The following ITGA8 variants were observed in gnomAD, a reference collection of about 807,000 sequenced individuals.
ITGA8 encodes integrin alpha-8.
In ITGA8, 91 loss-of-function variants were observed where a neutral mutation model predicts 142.3. The observed-to-expected ratio is 0.64, with a 90% CI of 0.54 to 0.76. The LOEUF (loss-of-function observed/expected upper bound fraction) is 0.76, where lower values mean the gene tolerates loss of function less well. Among genes scored for constraint, ITGA8 ranks in the 30% least tolerant of loss-of-function variants. The pLI, the probability that ITGA8 is intolerant of heterozygous loss-of-function variation, is 0.00. For synonymous variants in ITGA8, 505 were observed against 485.2 expected, an observed-to-expected ratio of 1.04 and a Z score of -0.54; for missense variants, 1,406 against 1,327.7, an observed-to-expected ratio of 1.06 and a Z score of -0.92.
At chr10:15,585,702 A>G (rs776776214) in intron 23 of ITGA8, among the ~76,000 whole-genome samples, 8 of 152,042 alleles carry the variant, frequency 5.3e-5, no homozygotes, top group Non-Finnish European at 1.0e-4. Context: ...CACACAACCC[A>G]TTTCTGATTT....
chr10:15,575,946 T>C (rs1380462025), intron 23 of ITGA8, among the ~76,000 whole-genome samples: 2 of 150,264 alleles, frequency 1.3e-5, no homozygotes, highest in African/African-American at 5.0e-5. Context: ...AGAACGTGTG[T>C]GTGTGTGTGT....
chr10:15,569,384 G>A (rs80140970), intron 25 of ITGA8, among the ~76,000 whole-genome samples: 5,018 of 152,146 alleles, frequency 0.033, 279 homozygotes, highest in African/African-American at 0.11. Context: ...TGTTTTATGA[G>A]GCACTTACTA....
At chr10:15,661,905 T>G (rs1455286286) in intron 8 of ITGA8, among the ~76,000 whole-genome samples, 4 of 152,156 alleles carry the variant, frequency 2.6e-5, no homozygotes, top group Admixed American at 2.6e-4. Flanking sequence ...AATCTTTATT[T>G]GGTATAAATT....
At chr10:15,555,313 A>G (rs148771761) in intron 26 of ITGA8, among the ~76,000 whole-genome samples, 75 of 152,356 alleles carry the variant, frequency 4.9e-4, no homozygotes, top group Middle Eastern at 6.8e-3. Context: ...ATTTTAGACA[A>G]TGATTCCAAA....
At chr10:15,541,686 A>G (rs755701799) in intron 27 of ITGA8, among the ~76,000 whole-genome samples, 16 of 152,234 alleles carry the variant, frequency 1.1e-4, no homozygotes, top group South Asian at 2.1e-4. Flanking sequence ...TTCAAAGACA[A>G]GAAAACATTC....
intron 24 of ITGA8, among the ~76,000 whole-genome samples, chr10:15,573,951 A>G (rs1834235767): frequency 6.6e-6 from 1 of 151,702 alleles, no homozygotes; most frequent in South Asian, 2.1e-4. Context: ...ACCCTTTGCT[A>G]TATGTTGGTT....
intron 13 of ITGA8, among the ~76,000 whole-genome samples, chr10:15,637,077 G>A (rs532739696): frequency 2.0e-5 from 3 of 152,264 alleles, no homozygotes; most frequent in African/African-American, 7.2e-5. Context: ...CCTGGGCGGC[G>A]GAGTTTGCAG....
chr10:15,674,706 C>A (rs969064482), intron 6 of ITGA8, among the ~76,000 whole-genome samples: 2 of 151,964 alleles, frequency 1.3e-5, no homozygotes, highest in African/African-American at 2.4e-5. Flanking sequence ...CTGAGGCGGG[C>A]GGATCATGAG....
intron 12 of ITGA8, among the ~76,000 whole-genome samples, chr10:15,645,821 T>C (rs1430114736): frequency 6.6e-6 from 1 of 152,128 alleles, no homozygotes; most frequent in Non-Finnish European, 1.5e-5. Context: ...ATGCAAACTT[T>C]TGTGTGAAGG....
intron 23 of ITGA8, among the ~76,000 whole-genome samples, chr10:15,584,560 G>A (rs932919711): frequency 5.3e-5 from 8 of 152,138 alleles, no homozygotes; most frequent in African/African-American, 2.4e-5. Flanking sequence ...TTTGGCATAA[G>A]TATTTTGAAA....
intron 5 of ITGA8, 41 bp from the exon 6 acceptor site, chr10:15,677,678 G>T (rs1834657359): frequency 1.3e-6 from 2 of 1,568,350 alleles, no homozygotes; most frequent in Non-Finnish European, 1.7e-6. Flanking sequence ...AATTGGAAAA[G>T]AAATACTAAA....
chr10:15,689,411 C>G (rs964652782), intron 2 of ITGA8, among the ~76,000 whole-genome samples: 1 of 152,168 alleles, frequency 6.6e-6, no homozygotes, highest in African/African-American at 2.4e-5. Flanking sequence ...CTCGCCTCCA[C>G]CATTTCATCT....
chr10:15,662,599 A>G (rs938245659), intron 8 of ITGA8, among the ~76,000 whole-genome samples: 1 of 152,038 alleles, frequency 6.6e-6, no homozygotes, highest in African/African-American at 2.4e-5. Flanking sequence ...TCGGCCTCCT[A>G]GAGTGCTGGG....
In ITGA8 at chr10:15,517,155, T is replaced by C. The variant is rs550092776; in HGVS notation, c.*3A>G. 2 of 1,607,304 alleles carry C rather than the reference T, an allele frequency of 1.2e-6. No individual in the cohort carries two copies. Among genetic ancestry groups the C allele is most frequent in the Admixed American group, 1.7e-5 (1 of 59,532 alleles). ...AGGTCTTTGGTCTTCTTTTTTTTTC[T>C]TGTCATGCCTCAGGGGTCTTGTCAT... On this transcript the variant is annotated 3_prime_UTR_variant, in exon 30 of 30. Coordinates refer to ENST00000378076, the MANE Select transcript of ITGA8 (RefSeq NM_003638.3).
chr10:15,618,621 G>A (rs114998757), intron 13 of ITGA8, among the ~76,000 whole-genome samples: 4,148 of 152,206 alleles, frequency 0.027, 187 homozygotes, highest in African/African-American at 0.095. Context: ...GAATCTGGTG[G>A]GCACCATCTG....
intron 22 of ITGA8, among the ~76,000 whole-genome samples, chr10:15,587,676 A>G (rs1367512131): frequency 6.6e-6 from 1 of 151,680 alleles, no homozygotes; most frequent in Non-Finnish European, 1.5e-5. Flanking sequence ...TAAACAGGCA[A>G]TTAGGAGATG....
At chr10:15,649,455 G>A (rs886903644) in intron 11 of ITGA8, among the ~76,000 whole-genome samples, 17 of 151,246 alleles carry the variant, frequency 1.1e-4, no homozygotes, top group African/African-American at 3.9e-4. Context: ...ATGGTGAAAC[G>A]CCTGTCTCTA....
chr10:15,667,549 G>A (rs1244706147), intron 8 of ITGA8, among the ~76,000 whole-genome samples: 1 of 151,974 alleles, frequency 6.6e-6, no homozygotes, highest in South Asian at 2.1e-4. Flanking sequence ...GTTATTTCTT[G>A]CCTTCTGCTA....
chr10:15,611,574 C>G (rs950330361), intron 15 of ITGA8: 1 of 149,648 alleles, frequency 6.7e-6, no homozygotes, highest in Non-Finnish European at 1.5e-5. Flanking sequence ...TCACTGCAAG[C>G]TCCGCCTCCC....
Sources: gnomAD v4.1 joint callset for allele counts (sites outside exome capture counted in the v4.1 genomes callset) on GRCh38, gnomAD v4.1.1 for gene constraint, MANE v1.5 for transcripts, NCBI Gene and HGNC (gene_info 2026-07-23, HGNC 2026-07-21) for gene names.